PLEKHM2: variants seen among roughly 807,000 people sequenced by gnomAD.
PLEKHM2 encodes pleckstrin homology and RUN domain containing M2, also known as pleckstrin homology domain-containing family M member 2.
A neutral mutation model predicts 116.3 loss-of-function variants in PLEKHM2; 77 were observed. That is an observed-to-expected ratio of 0.66 (90% CI 0.55 to 0.80). PLEKHM2 has a LOEUF of 0.80. PLEKHM2 is among the 30% of genes least tolerant of loss of function. The pLI, the probability that PLEKHM2 is intolerant of heterozygous loss-of-function variation, is 0.00. For missense variants in PLEKHM2, 1,183 were observed against 1,354.9 expected, an observed-to-expected ratio of 0.87 and a Z score of 1.99; for synonymous variants, 562 against 571.0, an observed-to-expected ratio of 0.98 and a Z score of 0.22.
upstream of PLEKHM2, among the ~76,000 whole-genome samples, chr1:15,682,025 C>T (rs1006130407): frequency 8.6e-5 from 13 of 151,848 alleles, no homozygotes; most frequent in South Asian, 2.1e-4. Flanking sequence ...GGTAACAGAG[C>T]GAGGCCCTGT....
chr1:15,727,495 G>A lies in PLEKHM2; in HGVS notation c.1423G>A (p.Val475Ile), dbSNP rs1260615127. ...YRFTVESPSTVTSGGGHHDPA... is the reference protein window; with the variant it reads ...YRFTVESPSTITSGGGHHDPA... Reference sequence around the variant, plus strand: ...CTTTACCGTCGAGAGTCCAAGCACTGTTACATCAGGTGGCGGCCACCATGA... The same window carrying A: ...CTTTACCGTCGAGAGTCCAAGCACTATTACATCAGGTGGCGGCCACCATGA... Residue 475 changes from valine (V) to isoleucine (I), a missense_variant, in exon 9 of 20, where the codon GTT becomes ATT. Val to Ile is a conservative substitution (Grantham distance 29, BLOSUM62 3). This residue lies in a region of PLEKHM2 where 372 missense variants were observed against 357.2 expected (regional missense o/e 1.04). Coordinates refer to ENST00000375799, the MANE Select transcript of PLEKHM2 (RefSeq NM_015164.4). This position sits in a 1 kb window ranked among gnomAD's most constrained non-coding sequence, Gnocchi z 7.5. 8.2e-6 allele frequency: 13 copies of A among 1,589,956 alleles called. No homozygotes were observed. Among genetic ancestry groups the A allele is most frequent in the Admixed American group, 1.8e-5 (1 of 56,190 alleles).
At chr1:15,686,279 T>G (rs1160967993) in intron 1 of PLEKHM2, among the ~76,000 whole-genome samples, 1 of 152,100 alleles carries the variant, frequency 6.6e-6, no homozygotes, top group African/African-American at 2.4e-5. Flanking sequence ...CATCCCTGGG[T>G]GTATCACAAC....
chr1:15,721,242 C>T lies in PLEKHM2; in HGVS notation c.653-87C>T. ...TTCCTCTCCTATTTTCTCCCCATGT[C>T]TCCCACCCCATTTCCCCTCCCCTCC... On this transcript the variant is annotated intron_variant, in intron 6 of 19. Coordinates refer to ENST00000375799, the MANE Select transcript of PLEKHM2 (RefSeq NM_015164.4). The surrounding 1 kb of genome is among the most constrained non-coding windows in gnomAD (Gnocchi z 5.1). The T allele has an allele frequency of 1.3e-6, 1 of 741,212 alleles. No homozygotes were observed. Among genetic ancestry groups the T allele is most frequent in the South Asian group, 1.5e-5 (1 of 66,062 alleles). 45.9% of individuals were successfully genotyped at this position (741,212 alleles called of 1,614,324 possible).
intron 6 of PLEKHM2, chr1:15,720,528 C>T (rs2067983165): frequency 1.0e-6 from 1 of 976,154 alleles, no homozygotes; most frequent in Non-Finnish European, 1.2e-6. Flanking sequence ...CTGGAACAGC[C>T]TGGTTTCTTT....
chr1:15,726,450 G>A (rs926047149), intron 8 of PLEKHM2, among the ~76,000 whole-genome samples: 25 of 152,164 alleles, frequency 1.6e-4, no homozygotes, highest in Non-Finnish European at 3.1e-4. Context: ...GAGCCAGGAG[G>A]CCACCCCATG....
At chr1:15,731,769 T>G (rs2068145782) in intron 16 of PLEKHM2, 120 bp from the exon 17 acceptor site, 1 of 828,212 alleles carries the variant, frequency 1.2e-6, no homozygotes, top group Admixed American at 2.7e-5. Flanking sequence ...TCTGGTATCC[T>G]CCAGCCCCCA....
rs967339937 is a variant in PLEKHM2 at position 15,728,612 on chromosome 1, C to T, written c.1922-57C>T. The T allele has an allele frequency of 1.4e-6, 2 of 1,452,716 alleles. No individual in the cohort carries two copies. The highest frequency in any genetic ancestry group is 1.9e-6 in the Non-Finnish European group (2 of 1,050,842). The allele number at this position is 1,452,716 out of a possible 1,614,324, so 90.0% of individuals were successfully genotyped here. A position where few individuals can be genotyped will look rare whatever the true frequency, so the allele number is the denominator to read the frequency against. On this transcript the variant is annotated intron_variant, in intron 11 of 19. Transcript: ENST00000375799. This position sits in a 1 kb window ranked among gnomAD's most constrained non-coding sequence, Gnocchi z 5.9. ...GGGGGCTGTGTCTAAGAAAATGGGG[C>T]AGGGGGAGGGAAAAGAGGCCTGTGG...
Position 15,727,232 on chromosome 1 carries a change from A to C in PLEKHM2, c.1160A>C (p.Glu387Ala). 6.2e-7 allele frequency: 1 copy of C among 1,603,212 alleles called. No individual in the cohort carries two copies. Among genetic ancestry groups the C allele is most frequent in the Non-Finnish European group, 8.5e-7 (1 of 1,176,156 alleles). The change falls in exon 9 of 20, where the codon GAG becomes GCG. Residue 387 changes from glutamate to alanine, a missense_variant. Coordinates refer to ENST00000375799, the MANE Select transcript of PLEKHM2 (RefSeq NM_015164.4). The surrounding 1 kb of genome is among the most constrained non-coding windows in gnomAD (Gnocchi z 7.5). ...CCGAGCAGCACCACGGAGAGCAGCG[A>C]GCGCTCCGAGCCGGGCCTGCTGATC... ...EGPSSTTESSERSEPGLLIPE... is the reference protein window; with the variant it reads ...EGPSSTTESSARSEPGLLIPE...
intron 1 of PLEKHM2, among the ~76,000 whole-genome samples, chr1:15,707,894 A>C (rs1641256403): frequency 6.6e-6 from 1 of 152,064 alleles, no homozygotes; most frequent in Admixed American, 6.6e-5. Context: ...CATAGTTTAT[A>C]TTTTTTTGAG....
chr1:15,712,136 AAAAG>A (rs1449124582), intron 1 of PLEKHM2, among the ~76,000 whole-genome samples: 5 of 151,744 alleles, frequency 3.3e-5, no homozygotes, highest in African/African-American at 7.3e-5. Context: ...AAAAAAAAAA[AAAAG>A]AGCTGCAACA....
chr1:15,732,718 C>G lies in PLEKHM2; in HGVS notation c.2912C>G (p.Thr971Ser). 2 of 1,604,786 alleles carry G rather than the reference C, an allele frequency of 1.2e-6. No homozygotes were observed. Among genetic ancestry groups the G allele is most frequent in the Non-Finnish European group, 1.7e-6 (2 of 1,174,848 alleles). The change falls in exon 19 of 20, where the codon ACC (threonine) becomes AGC (serine). Residue 971 changes from threonine to serine, a missense_variant. Thr to Ser is a moderately conservative substitution (Grantham distance 58). Coordinates refer to ENST00000375799, the MANE Select transcript of PLEKHM2 (RefSeq NM_015164.4). ...TCTGCACTGAACTCTGGGTGGAAAACCATCTATCAGGTACCCAGCTGCCCA... is the reference window on the plus strand; with the variant it reads ...TCTGCACTGAACTCTGGGTGGAAAAGCATCTATCAGGTACCCAGCTGCCCA... ...LLSALNSGWK[T>S]IYQVDLPHTA...
At chr1:15,731,095 C>T (rs936361791) in intron 15 of PLEKHM2, 97 bp from the exon 16 acceptor site, 24 of 876,450 alleles carry the variant, frequency 2.7e-5, no homozygotes, top group African/African-American at 1.8e-4. Context: ...GGTTCATGGC[C>T]GCAGCATGTG....
chr1:15,722,810 A>G (rs1465718091), intron 7 of PLEKHM2: 6 of 152,188 alleles, frequency 3.9e-5, no homozygotes, highest in African/African-American at 1.2e-4. Context: ...CTCTTCTTGC[A>G]GCACACATGC....
At chr1:15,720,152 A>AAAT (rs1346238011) in intron 6 of PLEKHM2, among the ~76,000 whole-genome samples, 3 of 146,780 alleles carry the variant, frequency 2.0e-5, no homozygotes, top group African/African-American at 7.7e-5. Context: ...ATATATATAA[A>AAAT]ATATATATTT....
chr1:15,693,198 A>G (rs1227236622), intron 1 of PLEKHM2, among the ~76,000 whole-genome samples: 2 of 141,900 alleles, frequency 1.4e-5, no homozygotes, highest in East Asian at 4.3e-4. Flanking sequence ...CCACCACCAC[A>G]CCTGGCTAAT....
chr1:15,704,778 C>T (rs984382110), intron 1 of PLEKHM2, among the ~76,000 whole-genome samples: 5 of 152,180 alleles, frequency 3.3e-5, no homozygotes, highest in Non-Finnish European at 5.9e-5. Context: ...ATGACCCTGG[C>T]GACTGACCAC....
At position 15,732,490 on chromosome 1, in the gene PLEKHM2, C is replaced by T. The variant is rs199811699; in HGVS notation, c.2766C>T (p.Ser922=). ...GCACAGCCAAGCTGGGCGACATCAG[C>T]GCCGTCTCCACCGAGCCGGGCAAGG... ...SLGTAKLGDI[S]AVSTEPGKEY... is the part of the protein sequence containing the mutation. The change falls in exon 18 of 20, where the codon AGC becomes AGT. Residue 922 remains serine, a synonymous_variant. Coordinates refer to ENST00000375799, the MANE Select transcript of PLEKHM2 (RefSeq NM_015164.4). 2.1e-4 allele frequency: 344 copies of T among 1,607,848 alleles called. 2 individuals are homozygous for T. The East Asian group carries it at 6.5e-3, about 30-fold the overall frequency.
intron 1 of PLEKHM2, among the ~76,000 whole-genome samples, chr1:15,691,656 G>A (rs936337812): frequency 1.3e-5 from 2 of 152,144 alleles, no homozygotes; most frequent in African/African-American, 2.4e-5. Context: ...GTCCCTAGTC[G>A]GGATCGGGAT....
chr1:15,731,755 AC>A, intron 16 of PLEKHM2, 133 bp from the exon 17 acceptor site: 1 of 714,196 alleles, frequency 1.4e-6, no homozygotes, highest in Non-Finnish European at 2.3e-6. Flanking sequence ...GGCCTGGAGA[AC>A]CCTCTGGTAT....
Sources: gnomAD v4.1 joint callset for allele counts (sites outside exome capture counted in the v4.1 genomes callset) on GRCh38, gnomAD v4.1.1 for gene constraint, gnomAD v4.1.1 regional missense constraint, Gnocchi (gnomAD v3.1) non-coding constraint, MANE v1.5 for transcripts, NCBI Gene and HGNC (gene_info 2026-07-23, HGNC 2026-07-21) for gene names.